The following CSMD1 variants were observed in gnomAD, a reference collection of about 807,000 sequenced individuals.
CSMD1 encodes the protein CUB and sushi domain-containing protein 1.
CSMD1 carries 213 observed loss-of-function variants against 417.5 expected under a neutral mutation model. The observed-to-expected ratio is 0.51, with a 90% CI of 0.46 to 0.57. The LOEUF is 0.57. Among genes scored for constraint, CSMD1 ranks in the 20% least tolerant of loss-of-function variants. CSMD1 has a pLI of 0.00. For missense variants in CSMD1, 6,923 were observed against 4,529.7 expected (o/e 1.53, Z -15.17); for synonymous variants, 2,862 against 1,736.8 (o/e 1.65, Z -16.11).
At chr8:4,633,249 G>A (rs1270069352) in intron 2 of CSMD1, among the ~76,000 whole-genome samples, 1 of 149,106 alleles carries the variant, frequency 6.7e-6, no homozygotes, top group African/African-American at 2.4e-5. Context: ...GTGTTCGTTT[G>A]TTTCTTTGTT....
chr8:2,942,644 C>T (rs1801961735), intron 68 of CSMD1, 40 bp from the exon 69 acceptor site: 4 of 1,477,146 alleles, frequency 2.7e-6, no homozygotes, highest in Non-Finnish European at 2.7e-6. Flanking sequence ...TGTTACTGTA[C>T]TCTGCTTAAA....
chr8:3,894,107 T>A (rs996104082), intron 5 of CSMD1, among the ~76,000 whole-genome samples: 1 of 152,238 alleles, frequency 6.6e-6, no homozygotes, highest in African/African-American at 2.4e-5. Flanking sequence ...GTGTTCCGTC[T>A]ATTCTGCACC....
chr8:4,080,394 A>G (rs1056542507), intron 3 of CSMD1, among the ~76,000 whole-genome samples: 1 of 152,190 alleles, frequency 6.6e-6, no homozygotes, highest in East Asian at 1.9e-4. Context: ...TACATATTGA[A>G]TTTCCAAAAT....
intron 3 of CSMD1, among the ~76,000 whole-genome samples, chr8:4,168,758 T>G (rs1040209079): frequency 2.0e-5 from 3 of 152,150 alleles, no homozygotes; most frequent in African/African-American, 4.8e-5. Flanking sequence ...AAGTTAGGCT[T>G]TATTTCTTTT....
chr8:4,175,266 A>C (rs1033836783), intron 3 of CSMD1, among the ~76,000 whole-genome samples: 11 of 152,164 alleles, frequency 7.2e-5, no homozygotes, highest in Non-Finnish European at 1.6e-4. Context: ...TTTATATTTA[A>C]TTATCTCTGC....
chr8:3,606,652 G>A (rs903270771), intron 8 of CSMD1, among the ~76,000 whole-genome samples: 3 of 151,576 alleles, frequency 2.0e-5, no homozygotes, highest in Admixed American at 2.0e-4. Flanking sequence ...ATTTATTAAT[G>A]CTTTTCTTTC....
chr8:4,356,632 T>C (rs879290083), intron 3 of CSMD1, among the ~76,000 whole-genome samples: 2 of 152,196 alleles, frequency 1.3e-5, no homozygotes, highest in Non-Finnish European at 2.9e-5. Context: ...GTCTGCTTTA[T>C]TCTGGTCCTG....
At chr8:3,286,585 G>A (rs975126294) in intron 25 of CSMD1, among the ~76,000 whole-genome samples, 6 of 151,996 alleles carry the variant, frequency 3.9e-5, no homozygotes, top group Non-Finnish European at 7.4e-5. Flanking sequence ...CGGTGATAAT[G>A]AGCATTTTTT....
chr8:3,295,995 G>T (rs193263832), intron 25 of CSMD1, among the ~76,000 whole-genome samples: 1 of 152,106 alleles, frequency 6.6e-6, no homozygotes, highest in East Asian at 1.9e-4. Context: ...GAAGAGATAG[G>T]CAAACCACAG....
intron 3 of CSMD1, among the ~76,000 whole-genome samples, chr8:4,143,774 C>A (rs972588564): frequency 6.6e-6 from 1 of 151,224 alleles, no homozygotes; most frequent in Non-Finnish European, 1.5e-5. Flanking sequence ...AAGCACTTCA[C>A]AGGGTGGGAG....
chr8:3,024,338 C>T (rs921379019), intron 51 of CSMD1, among the ~76,000 whole-genome samples: 2 of 150,682 alleles, frequency 1.3e-5, no homozygotes, highest in Non-Finnish European at 2.9e-5. Context: ...CAGAGTATTG[C>T]TCTGTCGCCC....
chr8:2,978,028 G>C (rs541016025), intron 55 of CSMD1, among the ~76,000 whole-genome samples: 1 of 152,174 alleles, frequency 6.6e-6, no homozygotes, highest in East Asian at 1.9e-4. Flanking sequence ...ATTCCTCAAA[G>C]ACCTAGAATA....
At chr8:3,612,708 T>G (rs568226206) in intron 8 of CSMD1, among the ~76,000 whole-genome samples, 2 of 152,038 alleles carry the variant, frequency 1.3e-5, no homozygotes, top group South Asian at 4.1e-4. Context: ...CAAGGGAAAA[T>G]AGAATGTAAT....
intron 48 of CSMD1, among the ~76,000 whole-genome samples, chr8:3,090,597 T>C (rs916796129): frequency 2.6e-5 from 4 of 152,164 alleles, no homozygotes; most frequent in Non-Finnish European, 5.9e-5. Flanking sequence ...GTTTCCTGGT[T>C]TTCCCTTTGG....
chr8:3,530,427 G>T (rs181483749), intron 10 of CSMD1, among the ~76,000 whole-genome samples: 2 of 152,142 alleles, frequency 1.3e-5, no homozygotes, highest in East Asian at 3.9e-4. Flanking sequence ...TGATTGTTTA[G>T]GTGTGTTGTT....
chr8:3,899,185 CAGG>C, intron 5 of CSMD1, among the ~76,000 whole-genome samples: 1 of 152,168 alleles, frequency 6.6e-6, no homozygotes. Context: ...CGGCCTAGGA[CAGG>C]AGGCCAATCA....
intron 3 of CSMD1, among the ~76,000 whole-genome samples, chr8:4,045,215 G>A (rs1245818921): frequency 1.3e-5 from 2 of 152,134 alleles, no homozygotes; most frequent in East Asian, 1.9e-4. Context: ...CACAATGTGG[G>A]CGACAGTTGT....
intron 12 of CSMD1, among the ~76,000 whole-genome samples, chr8:3,453,023 A>C (rs1410577622): frequency 6.6e-6 from 1 of 152,054 alleles, no homozygotes; most frequent in South Asian, 2.1e-4. Context: ...CAGAGATTCA[A>C]CTTCTTCCTG....
chr8:3,644,597 G>C (rs920724695), intron 7 of CSMD1, among the ~76,000 whole-genome samples: 2 of 152,116 alleles, frequency 1.3e-5, no homozygotes, highest in African/African-American at 4.8e-5. Flanking sequence ...GCTGTGAAAG[G>C]AATGAACGGG....
Sources: gnomAD v4.1 joint callset for allele counts (sites outside exome capture counted in the v4.1 genomes callset) on GRCh38, gnomAD v4.1.1 for gene constraint, MANE v1.5 for transcripts, NCBI Gene and HGNC (gene_info 2026-07-23, HGNC 2026-07-21) for gene names.